Variants in LINGO2 observed in about 807,000 individuals in gnomAD.
LINGO2 encodes the protein leucine-rich repeat and immunoglobulin-like domain-containing nogo receptor-interacting protein 2.
A neutral mutation model predicts 30.6 loss-of-function variants in LINGO2; 14 were observed. That is an observed-to-expected ratio of 0.46 (90% CI 0.30 to 0.72). The LOEUF is 0.72. Ranked by LOEUF, LINGO2 falls within the 30% of genes least tolerant of loss-of-function variation. The pLI is 0.07. For synonymous variants in LINGO2, 317 were observed against 288.5 expected (o/e 1.10, Z -1.00); for missense variants, 729 against 751.7 (o/e 0.97, Z 0.35).
upstream of LINGO2, among the ~76,000 whole-genome samples, chr9:28,674,901 G>C (rs757771751): frequency 6.6e-6 from 1 of 151,910 alleles, no homozygotes; most frequent in South Asian, 2.1e-4. Flanking sequence ...TTAATATTTT[G>C]GAGAGTGTAG....
At chr9:27,968,417 T>C (rs1820199996) in intron 5 of LINGO2, among the ~76,000 whole-genome samples, 6 of 151,964 alleles carry the variant, frequency 3.9e-5, no homozygotes, top group Admixed American at 3.3e-4. Context: ...ATTTGGAAAA[T>C]GTTTATATAA....
At chr9:28,504,971 C>T (rs1428682878) in intron 1 of LINGO2, among the ~76,000 whole-genome samples, 1 of 151,394 alleles carries the variant, frequency 6.6e-6, no homozygotes, top group Non-Finnish European at 1.5e-5. Context: ...AATGAGGAGA[C>T]CAAAATGATT....
At chr9:29,111,910 C>G in the LINGO2 span, among the ~76,000 whole-genome samples, 1 of 149,392 alleles carries the variant, frequency 6.7e-6, no homozygotes, top group Admixed American at 6.7e-5. Flanking sequence ...TGTATATATA[C>G]ATATATTTAT....
the LINGO2 span, among the ~76,000 whole-genome samples, chr9:29,105,787 A>T: frequency 3.3e-5 from 5 of 152,150 alleles, no homozygotes; most frequent in Non-Finnish European, 5.9e-5. Context: ...GGAGGATGCC[A>T]TGTGGCTGGT....
the LINGO2 span, among the ~76,000 whole-genome samples, chr9:28,729,544 T>A: frequency 1.3e-5 from 2 of 151,912 alleles, no homozygotes; most frequent in Non-Finnish European, 2.9e-5. Flanking sequence ...TCATCAAATG[T>A]CAAGAAACAT....
intron 1 of LINGO2, among the ~76,000 whole-genome samples, chr9:28,658,387 T>C (rs991214742): frequency 6.6e-6 from 1 of 152,080 alleles, no homozygotes; most frequent in East Asian, 1.9e-4. Context: ...TTTTTAATTC[T>C]GTCAGTGTTT....
chr9:28,854,288 T>G, the LINGO2 span, among the ~76,000 whole-genome samples: 2 of 152,130 alleles, frequency 1.3e-5, no homozygotes, highest in East Asian at 3.9e-4. Flanking sequence ...TAAGCACAAT[T>G]TGAATGCTGA....
the LINGO2 span, among the ~76,000 whole-genome samples, chr9:29,041,080 A>C: frequency 1.3e-5 from 2 of 152,028 alleles, no homozygotes; most frequent in Admixed American, 1.3e-4. Context: ...AAGTTCACCT[A>C]ATAATTAGGG....
the LINGO2 span, among the ~76,000 whole-genome samples, chr9:28,899,770 A>C: frequency 6.6e-6 from 1 of 152,122 alleles, no homozygotes; most frequent in Non-Finnish European, 1.5e-5. Flanking sequence ...TGAAGATATC[A>C]TGCCATATCC....
At chr9:29,191,839 G>A in the LINGO2 span, among the ~76,000 whole-genome samples, 3 of 151,916 alleles carry the variant, frequency 2.0e-5, no homozygotes, top group Admixed American at 6.6e-5. Flanking sequence ...ATTATGATGA[G>A]TTACAATTAC....
chr9:28,989,256 A>G, the LINGO2 span, among the ~76,000 whole-genome samples: 1 of 152,240 alleles, frequency 6.6e-6, no homozygotes, highest in Non-Finnish European at 1.5e-5. Flanking sequence ...GATGACTTCT[A>G]ATTAAACTAA....
intron 2 of LINGO2, among the ~76,000 whole-genome samples, chr9:28,435,011 A>AT (rs1823866885): frequency 6.6e-6 from 1 of 152,212 alleles, no homozygotes; most frequent in Non-Finnish European, 1.5e-5. Context: ...TTACTTAAAA[A>AT]AAATTCCCTG....
the LINGO2 span, among the ~76,000 whole-genome samples, chr9:28,942,138 C>A: frequency 1.3e-5 from 2 of 151,974 alleles, no homozygotes; most frequent in African/African-American, 4.8e-5. Context: ...GAAAGAGGAG[C>A]TATTGTGAAA....
exon 6 of LINGO2, chr9:27,948,836 G>T: frequency 6.3e-7 from 1 of 1,594,076 alleles, no homozygotes; most frequent in Non-Finnish European, 8.5e-7. Flanking sequence ...AGACAGTAAT[G>T]TGAGGGGTGG....
chr9:28,008,861 T>C (rs564219774), intron 5 of LINGO2, among the ~76,000 whole-genome samples: 1 of 152,290 alleles, frequency 6.6e-6, no homozygotes, highest in South Asian at 2.1e-4. Context: ...GCAGATTTAA[T>C]GTAATACATA....
At chr9:29,111,354 G>T in the LINGO2 span, among the ~76,000 whole-genome samples, 1 of 152,038 alleles carries the variant, frequency 6.6e-6, no homozygotes, top group Non-Finnish European at 1.5e-5. Context: ...ATGGCAGTTA[G>T]TGTTTACGGC....
chr9:28,028,473 A>T (rs1030308844), intron 4 of LINGO2, among the ~76,000 whole-genome samples: 1 of 152,164 alleles, frequency 6.6e-6, no homozygotes, highest in East Asian at 1.9e-4. Context: ...ACTTGCTCAT[A>T]TACAAATGTA....
intron 1 of LINGO2, among the ~76,000 whole-genome samples, chr9:28,536,485 G>A (rs913988649): frequency 2.0e-5 from 3 of 152,050 alleles, no homozygotes; most frequent in Admixed American, 2.0e-4. Flanking sequence ...AATAATGCAT[G>A]AATGAAGACA....
intron 2 of LINGO2, among the ~76,000 whole-genome samples, chr9:28,417,903 G>T (rs1178873379): frequency 1.3e-5 from 2 of 152,124 alleles, no homozygotes; most frequent in Admixed American, 1.3e-4. Context: ...GGATTTTTAT[G>T]AGTGAACTAA....
Sources: gnomAD v4.1 joint callset for allele counts (sites outside exome capture counted in the v4.1 genomes callset) on GRCh38, gnomAD v4.1.1 for gene constraint, MANE v1.5 for transcripts, NCBI Gene and HGNC (gene_info 2026-07-23, HGNC 2026-07-21) for gene names.